SV2B: variants seen among roughly 807,000 people sequenced by gnomAD.
SV2B encodes the protein solute carrier family 22 member B2.
Under a neutral mutation model 73.9 loss-of-function variants are expected in SV2B, and 41 were observed. That is an observed-to-expected ratio of 0.56 (90% confidence interval 0.43 to 0.72). SV2B has a LOEUF of 0.72. SV2B is among the 30% of genes least tolerant of loss of function. SV2B has a pLI of 0.00. For synonymous variants in SV2B, 314 were observed against 314.2 expected (o/e 1.00, Z 0.01); for missense variants, 764 against 857.8 (o/e 0.89, Z 1.37).
At chr15:91,198,450 C>CGT (rs1225238820) in intron 1 of SV2B, among the ~76,000 whole-genome samples, 1 of 97,510 alleles carries the variant, frequency 1.0e-5, no homozygotes, top group African/African-American at 4.8e-5. Context: ...CCAAGAAGCA[C>CGT]GTGTATGTGT....
intron 1 of SV2B, among the ~76,000 whole-genome samples, chr15:91,131,266 T>TA (rs1211387043): frequency 1.3e-5 from 2 of 148,866 alleles, no homozygotes; most frequent in Non-Finnish European, 3.0e-5. Context: ...TTGGGAGGTG[T>TA]GAGCCACTGC....
intron 11 of SV2B, among the ~76,000 whole-genome samples, chr15:91,287,965 A>C (rs929054693): frequency 6.6e-6 from 1 of 152,190 alleles, no homozygotes; most frequent in Non-Finnish European, 1.5e-5. Context: ...GGAGGGATGC[A>C]GACATTGCCA....
Position 91,266,664 on chromosome 15 carries a change from T to C in SV2B, c.1091T>C (p.Leu364Pro), listed in dbSNP as rs1319284558. The change falls in exon 7 of 13, where the codon CTG (leucine) becomes CCG (proline). Residue 364 changes from leucine (L) to proline (P), a missense_variant. By Grantham distance (98) the Leu-to-Pro change is moderately conservative. Coordinates refer to ENST00000394232, the MANE Select transcript of SV2B (RefSeq NM_001323032.3). ...ACAGGAACCTGGTACCAGCGCTGGC[T>C]GGTCAGATTCAAGACCATTTTCAAG... ...SSTGTWYQRW[L>P]VRFKTIFKQV... 1 of 1,614,006 alleles carries C rather than the reference T, an allele frequency of 6.2e-7. No individual in the cohort carries two copies. The highest frequency in any genetic ancestry group is 8.5e-7 in the Non-Finnish European group (1 of 1,179,994).
intron 6 of SV2B, 41 bp downstream of exon 6, chr15:91,260,450 T>A (rs2141652491): frequency 6.8e-7 from 1 of 1,476,904 alleles, no homozygotes; most frequent in Non-Finnish European, 9.2e-7. Context: ...GGGGTTCTCC[T>A]CTTCACTGCT....
intron 1 of SV2B, among the ~76,000 whole-genome samples, chr15:91,218,638 A>G (rs2046113877): frequency 6.6e-6 from 1 of 152,204 alleles, no homozygotes; most frequent in South Asian, 2.1e-4. Flanking sequence ...TTGTCCCTAT[A>G]ATGCCTCAGT....
intron 1 of SV2B, among the ~76,000 whole-genome samples, chr15:91,206,835 C>T (rs1302689044): frequency 6.6e-6 from 1 of 151,928 alleles, no homozygotes; most frequent in African/African-American, 2.4e-5. Flanking sequence ...GAAATGTGTC[C>T]CCTGATCAAC....
chr15:91,191,462 A>G (rs2045026873), intron 1 of SV2B, among the ~76,000 whole-genome samples: 1 of 152,240 alleles, frequency 6.6e-6, no homozygotes, highest in South Asian at 2.1e-4. Context: ...TTTAGCAAGA[A>G]TCTTGTTAAG....
chr15:91,127,504 G>A (rs1320548385), intron 1 of SV2B, among the ~76,000 whole-genome samples: 1 of 152,100 alleles, frequency 6.6e-6, no homozygotes. Flanking sequence ...CCCTCAGCAG[G>A]AAGGCTCAGT....
At chr15:91,270,342 A>C (rs2048251315) in intron 9 of SV2B, among the ~76,000 whole-genome samples, 1 of 152,242 alleles carries the variant, frequency 6.6e-6, no homozygotes, top group Non-Finnish European at 1.5e-5. Context: ...CCTTACGTAG[A>C]TATCTCACAA....
chr15:91,250,596 A>G (rs1449094456), intron 2 of SV2B, among the ~76,000 whole-genome samples: 1 of 152,226 alleles, frequency 6.6e-6, no homozygotes, highest in East Asian at 1.9e-4. Context: ...AATTGTTAGA[A>G]CAAATAAACA....
At chr15:91,151,302 A>G (rs2043307609) in intron 1 of SV2B, among the ~76,000 whole-genome samples, 1 of 152,246 alleles carries the variant, frequency 6.6e-6, no homozygotes, top group African/African-American at 2.4e-5. Context: ...GCTTCCATAG[A>G]AAAGTTAAAC....
chr15:91,109,225 A>G (rs535366766), intron 1 of SV2B, among the ~76,000 whole-genome samples: 23 of 152,366 alleles, frequency 1.5e-4, no homozygotes, highest in Non-Finnish European at 2.6e-4. Flanking sequence ...CCAGCTCTGC[A>G]TAGATGCAAG....
chr15:91,255,290 C>T (rs2047645062), intron 4 of SV2B, among the ~76,000 whole-genome samples: 1 of 152,192 alleles, frequency 6.6e-6, no homozygotes, highest in Non-Finnish European at 1.5e-5. Context: ...ATTGTCTGAC[C>T]ACTGCGGGCT....
rs1306625821 is a variant in SV2B, at chr15:91,265,933, G to A, written c.1009-649G>A. 2.0e-5 allele frequency among the ~76,000 whole-genome samples: 3 copies of A among 152,228 alleles called. No homozygotes were observed. Among genetic ancestry groups the A allele is most frequent in the Non-Finnish European group, 4.4e-5 (3 of 68,050 alleles). On this transcript the variant is annotated intron_variant, in intron 6 of 12. Coordinates refer to ENST00000394232, the MANE Select transcript of SV2B (RefSeq NM_001323032.3). This position sits in a 1 kb window ranked among gnomAD's most constrained non-coding sequence, Gnocchi z 4.2. ...CAAGGCAGGTGGATCACGAGGCCAG[G>A]AGATGGAGACCATCCTGGCCAACAT...
intron 1 of SV2B, among the ~76,000 whole-genome samples, chr15:91,200,063 C>G (rs1377854876): frequency 2.0e-5 from 3 of 152,162 alleles, no homozygotes; most frequent in African/African-American, 7.2e-5. Context: ...ATTAAATGGT[C>G]CAGGAAATGT....
chr15:91,172,266 T>A (rs75082574), intron 1 of SV2B, among the ~76,000 whole-genome samples: 7,288 of 152,280 alleles, frequency 0.048, 238 homozygotes, highest in South Asian at 0.092. Flanking sequence ...TCTCTGCTTA[T>A]AAGCTGAAAC....
In SV2B at chr15:91,266,619, T is replaced by A; in HGVS notation, c.1046T>A (p.Phe349Tyr). ...AAAACTCCCAAGCAAATGGATGAAT[T>A]CATTGAGATCCAAAGTTCAACAGGA... ...NIKTPKQMDEFIEIQSSTGTW... is the reference protein window; with the variant it reads ...NIKTPKQMDEYIEIQSSTGTW... The change falls in exon 7 of 13, where the codon TTC becomes TAC. Residue 349 changes from phenylalanine to tyrosine, a missense_variant. Phe to Tyr is a conservative substitution (Grantham distance 22). Coordinates refer to ENST00000394232, the MANE Select transcript of SV2B (RefSeq NM_001323032.3). 6.2e-7 allele frequency: 1 copy of A among 1,614,162 alleles called. No individual in the cohort carries two copies. The highest frequency in any genetic ancestry group is 8.5e-7 in the Non-Finnish European group (1 of 1,180,010).
In SV2B at chr15:91,301,596, A is replaced by G. The variant is rs2049445507; in HGVS notation, c.*9044A>G. Among the ~76,000 whole-genome samples the G allele has an allele frequency of 6.6e-6, 1 of 152,182 alleles. No individual in the cohort carries two copies. The highest frequency in any genetic ancestry group is 2.4e-5 in the African/African-American group (1 of 41,434). On this transcript the variant is annotated 3_prime_UTR_variant, in exon 13 of 13. Coordinates refer to ENST00000394232, the MANE Select transcript of SV2B (RefSeq NM_001323032.3). This position sits in a 1 kb window ranked among gnomAD's most constrained non-coding sequence, Gnocchi z 4.3. ...TCCCCTTTAACCTTCATAATAACCT[A>G]ATGAGTAAGTGTTATTTTCTTCCCT...
At position 91,232,865 on chromosome 15, in the gene SV2B, G is replaced by T. The variant is rs145654546; in HGVS notation, c.451+6151G>T. On this transcript the variant is annotated intron_variant, in intron 2 of 12. Coordinates refer to ENST00000394232, the MANE Select transcript of SV2B (RefSeq NM_001323032.3). This position sits in a 1 kb window ranked among gnomAD's most constrained non-coding sequence, Gnocchi z 4.7. ...AACCTAACTGTTTTTCAGTCCTTTC[G>T]CCTCTCCAGTAGTCCCCAGTGTCTA... Among the ~76,000 whole-genome samples the T allele has an allele frequency of 5.3e-3, 808 of 152,128 alleles. 7 individuals carry two copies. The highest frequency in any genetic ancestry group is 0.018 in the African/African-American group (757 of 41,524).
Sources: gnomAD v4.1 joint callset for allele counts (sites outside exome capture counted in the v4.1 genomes callset) on GRCh38, gnomAD v4.1.1 for gene constraint, Gnocchi (gnomAD v3.1) non-coding constraint, MANE v1.5 for transcripts, NCBI Gene and HGNC (gene_info 2026-07-23, HGNC 2026-07-21) for gene names.